Variants in LSAMP observed in about 807,000 individuals in gnomAD.
LSAMP encodes limbic system associated membrane protein.
Under a neutral mutation model 38.6 loss-of-function variants are expected in LSAMP, and 7 were observed. The ratio of observed to expected loss-of-function variants is 0.18; its 90% CI spans 0.10 to 0.34. The LOEUF is 0.34. LSAMP is among the 10% of genes least tolerant of loss of function. LSAMP has a pLI of 1.00. For synonymous variants in LSAMP, 154 were observed against 166.8 expected, an observed-to-expected ratio of 0.92 and a Z score of 0.59; for missense variants, 313 against 420.0, an observed-to-expected ratio of 0.75 and a Z score of 2.23.
chr3:116,335,971 C>T (rs1212721092), intron 1 of LSAMP, among the ~76,000 whole-genome samples: 1 of 151,878 alleles, frequency 6.6e-6, no homozygotes, highest in Non-Finnish European at 1.5e-5. Context: ...TGTATATGGT[C>T]AAATAATTTT....
At chr3:116,030,745 T>G (rs1940899343) in intron 2 of LSAMP, among the ~76,000 whole-genome samples, 1 of 152,094 alleles carries the variant, frequency 6.6e-6, no homozygotes, top group African/African-American at 2.4e-5. Context: ...CCTAAGACAT[T>G]ATCAGAGAAA....
intron 1 of LSAMP, among the ~76,000 whole-genome samples, chr3:116,366,127 CA>C (rs1345560768): frequency 6.8e-6 from 1 of 147,218 alleles, no homozygotes; most frequent in Non-Finnish European, 1.5e-5. Flanking sequence ...ATCCATCTCA[CA>C]AAAGTCTAAT....
chr3:116,005,643 C>T (rs1036764449), intron 3 of LSAMP, among the ~76,000 whole-genome samples: 8 of 152,174 alleles, frequency 5.3e-5, no homozygotes, highest in Non-Finnish European at 1.5e-5. Flanking sequence ...CTTAATCGTT[C>T]CTGGGGGAAT....
At chr3:115,878,453 CTTTTTTTTTTTTTTTT>C (rs3087024) in intron 3 of LSAMP, among the ~76,000 whole-genome samples, 2 of 55,514 alleles carry the variant, frequency 3.6e-5, no homozygotes, top group Non-Finnish European at 6.3e-5. Context: ...ACATGCTATT[CTTTTTTTTTTTTTTTT>C]TTTTTTTTTT....
At chr3:116,115,621 A>T (rs1708723185) in intron 1 of LSAMP, among the ~76,000 whole-genome samples, 1 of 152,176 alleles carries the variant, frequency 6.6e-6, no homozygotes, top group South Asian at 2.1e-4. Flanking sequence ...GTGAGATAGA[A>T]ATTATTTTAT....
intron 1 of LSAMP, among the ~76,000 whole-genome samples, chr3:116,369,527 T>C (rs558882875): frequency 9.2e-5 from 14 of 152,006 alleles, no homozygotes; most frequent in Non-Finnish European, 1.2e-4. Flanking sequence ...GTCTAGCCAC[T>C]CTAGAATGAA....
intron 3 of LSAMP, among the ~76,000 whole-genome samples, chr3:115,970,188 A>T (rs1938969565): frequency 6.6e-6 from 1 of 152,160 alleles, no homozygotes; most frequent in Non-Finnish European, 1.5e-5. Flanking sequence ...ACCATCCTAA[A>T]GAATTTATTT....
At chr3:115,960,596 C>T (rs976660018) in intron 3 of LSAMP, among the ~76,000 whole-genome samples, 28 of 152,176 alleles carry the variant, frequency 1.8e-4, no homozygotes, top group Admixed American at 1.8e-3. Context: ...AGTGTTTCAT[C>T]TGATGCTCCC....
chr3:116,296,620 G>C (rs1415212900), intron 1 of LSAMP, among the ~76,000 whole-genome samples: 1 of 146,132 alleles, frequency 6.8e-6, no homozygotes, highest in Non-Finnish European at 1.5e-5. Flanking sequence ...GCGTTAACCC[G>C]GGAGGCAGAG....
At chr3:115,913,558 C>T (rs749510105) in intron 3 of LSAMP, among the ~76,000 whole-genome samples, 4 of 152,162 alleles carry the variant, frequency 2.6e-5, no homozygotes, top group Non-Finnish European at 5.9e-5. Context: ...AAAGGGTGTA[C>T]AGGTATTTTA....
intron 1 of LSAMP, among the ~76,000 whole-genome samples, chr3:116,235,479 G>A (rs1438343525): frequency 6.6e-6 from 1 of 152,116 alleles, no homozygotes; most frequent in African/African-American, 2.4e-5. Flanking sequence ...AATGGAAGGA[G>A]AAAGGGAAGG....
At chr3:116,098,698 C>A (rs1221975975) in intron 1 of LSAMP, among the ~76,000 whole-genome samples, 2 of 152,134 alleles carry the variant, frequency 1.3e-5, no homozygotes, top group East Asian at 1.9e-4. Context: ...GTGAGGAGGA[C>A]TTCATCCTTG....
chr3:116,400,605 G>T (rs1346710242), intron 1 of LSAMP, among the ~76,000 whole-genome samples: 1 of 151,958 alleles, frequency 6.6e-6, no homozygotes, highest in Non-Finnish European at 1.5e-5. Context: ...CAGCCCCCAA[G>T]TAGCTGGAAT....
intron 1 of LSAMP, among the ~76,000 whole-genome samples, chr3:116,267,208 T>C (rs1401787545): frequency 1.3e-5 from 2 of 152,102 alleles, no homozygotes; most frequent in African/African-American, 4.8e-5. Flanking sequence ...GAGATGCTCA[T>C]TTAAGAGGAA....
intron 1 of LSAMP, among the ~76,000 whole-genome samples, chr3:116,337,116 T>C (rs1470667426): frequency 6.6e-6 from 1 of 151,922 alleles, no homozygotes; most frequent in Non-Finnish European, 1.5e-5. Flanking sequence ...GTACTTAGAA[T>C]AGTCAAAATC....
intron 1 of LSAMP, among the ~76,000 whole-genome samples, chr3:116,263,293 T>A (rs2046850203): frequency 6.6e-6 from 1 of 152,054 alleles, no homozygotes. Context: ...ATCCCAGCAC[T>A]TTGGGAGGCC....
chr3:115,939,545 TTTC>T (rs1451951773), intron 3 of LSAMP, among the ~76,000 whole-genome samples: 1 of 85,994 alleles, frequency 1.2e-5, no homozygotes, highest in Non-Finnish European at 2.7e-5. Context: ...TCTTTCTTTC[TTTC>T]TTTCTTTCTT....
At chr3:116,204,320 G>C (rs996649386) in intron 1 of LSAMP, among the ~76,000 whole-genome samples, 11 of 151,726 alleles carry the variant, frequency 7.2e-5, no homozygotes, top group African/African-American at 2.4e-4. Flanking sequence ...CAGATGAGTA[G>C]GTTGCGAAAA....
chr3:116,057,503 C>T (rs1920385), intron 2 of LSAMP, among the ~76,000 whole-genome samples: 70,188 of 151,886 alleles, frequency 0.46, 17,431 homozygotes, highest in African/African-American at 0.65. Flanking sequence ...GAGTACTTGG[C>T]TAATGAGTGA....
Sources: allele counts gnomAD v4.1 joint callset (sites outside exome capture counted in the v4.1 genomes callset), GRCh38; gene constraint gnomAD v4.1.1; transcripts MANE v1.5; gene names NCBI Gene and HGNC (gene_info 2026-07-23, HGNC 2026-07-21).